The following NBAS variants were observed in gnomAD, a reference collection of about 807,000 sequenced individuals.
The protein encoded by NBAS is NBAS subunit of NRZ tethering complex.
In NBAS, 219 loss-of-function variants were observed where a neutral mutation model predicts 302.5. The observed-to-expected ratio is 0.72, with a 90% CI of 0.65 to 0.81. NBAS has a LOEUF of 0.81. NBAS is among the 30% of genes least tolerant of loss of function. NBAS has a pLI of 0.00. For synonymous variants in NBAS, 1,118 were observed against 1,021.6 expected (o/e 1.09, Z -1.80); for missense variants, 2,932 against 2,841.6 (o/e 1.03, Z -0.72).
At chr2:14,957,867 C>T in the NBAS span, among the ~76,000 whole-genome samples, 1 of 152,320 alleles carries the variant, frequency 6.6e-6, no homozygotes, top group South Asian at 2.1e-4. Flanking sequence ...CATTTCCTCA[C>T]CACTGTGAGC....
chr2:15,108,403 C>A, the NBAS span, among the ~76,000 whole-genome samples: 1 of 152,070 alleles, frequency 6.6e-6, no homozygotes, highest in Non-Finnish European at 1.5e-5. Context: ...GGGATATAAA[C>A]CCAAGTCTCT....
At chr2:15,483,046 C>T (rs879497363) in intron 12 of NBAS, among the ~76,000 whole-genome samples, 5 of 152,140 alleles carry the variant, frequency 3.3e-5, no homozygotes, top group African/African-American at 7.2e-5. Flanking sequence ...AAACCTATTA[C>T]GGCTAAAGTA....
At chr2:15,409,411 T>C (rs1177234690) in intron 25 of NBAS, among the ~76,000 whole-genome samples, 1 of 152,234 alleles carries the variant, frequency 6.6e-6, no homozygotes, top group African/African-American at 2.4e-5. Flanking sequence ...ATTACTCTCA[T>C]GACAGACCTG....
chr2:15,034,043 G>GA, the NBAS span, among the ~76,000 whole-genome samples: 1 of 74,172 alleles, frequency 1.3e-5, no homozygotes, highest in Non-Finnish European at 2.6e-5. Context: ...GAGGAAGGAG[G>GA]AGGAGGAGGA....
At chr2:15,560,218 A>G (rs1664846285) in intron 1 of NBAS, among the ~76,000 whole-genome samples, 2 of 152,168 alleles carry the variant, frequency 1.3e-5, no homozygotes, top group South Asian at 2.1e-4. Context: ...CACTCAATAA[A>G]TATCTGTTAA....
chr2:15,378,844 T>G (rs79856065), intron 30 of NBAS, among the ~76,000 whole-genome samples: 1 of 152,316 alleles, frequency 6.6e-6, no homozygotes, highest in African/African-American at 2.4e-5. Context: ...TTCTGAAATG[T>G]TGAACAAGGA....
At chr2:15,205,889 T>C (rs1422049314) in intron 48 of NBAS, among the ~76,000 whole-genome samples, 1 of 152,188 alleles carries the variant, frequency 6.6e-6, no homozygotes, top group Non-Finnish European at 1.5e-5. Context: ...CTTCTTTTCT[T>C]TATAAATTAC....
chr2:15,294,419 A>T (rs549067574), intron 40 of NBAS, among the ~76,000 whole-genome samples: 9 of 152,226 alleles, frequency 5.9e-5, no homozygotes, highest in Admixed American at 1.3e-4. Flanking sequence ...AACCAGCTGC[A>T]TATAAACAGT....
At chr2:15,097,420 G>A in the NBAS span, among the ~76,000 whole-genome samples, 5 of 152,116 alleles carry the variant, frequency 3.3e-5, no homozygotes, top group South Asian at 2.1e-4. Flanking sequence ...CACAACAGGC[G>A]AACTTCTTCT....
At chr2:14,854,511 T>G in the NBAS span, among the ~76,000 whole-genome samples, 1 of 151,604 alleles carries the variant, frequency 6.6e-6, no homozygotes, top group East Asian at 1.9e-4. Flanking sequence ...TAACTTCAAA[T>G]TGCTGAAAAA....
intron 41 of NBAS, among the ~76,000 whole-genome samples, chr2:15,290,014 AAGAAGAGAGG>A (rs897590571): frequency 1.2e-4 from 18 of 151,092 alleles, no homozygotes; most frequent in Admixed American, 2.0e-4. Flanking sequence ...GAAAAGAAAA[AAGAAGAGAGG>A]AGAAGAGAGG....
At chr2:15,513,415 G>A (rs6708823) in intron 9 of NBAS, among the ~76,000 whole-genome samples, 118 of 152,150 alleles carry the variant, frequency 7.8e-4, no homozygotes, top group African/African-American at 2.7e-3. Context: ...CTTCTCAAAT[G>A]ATTCTATTAC....
intron 44 of NBAS, among the ~76,000 whole-genome samples, chr2:15,250,261 T>C (rs919821573): frequency 4.6e-5 from 7 of 152,220 alleles, no homozygotes; most frequent in African/African-American, 1.7e-4. Flanking sequence ...GCTAGGCATA[T>C]GCAGAAAGCT....
At chr2:15,299,081 G>T (rs996787516) in intron 40 of NBAS, among the ~76,000 whole-genome samples, 2 of 152,214 alleles carry the variant, frequency 1.3e-5, no homozygotes, top group African/African-American at 4.8e-5. Context: ...GTGACATGAC[G>T]CATGGGTATG....
At chr2:15,010,802 A>G in the NBAS span, among the ~76,000 whole-genome samples, 1 of 152,192 alleles carries the variant, frequency 6.6e-6, no homozygotes, top group Non-Finnish European at 1.5e-5. Flanking sequence ...AACCAACAAG[A>G]TTACACATAG....
chr2:14,787,860 T>C, the NBAS span, among the ~76,000 whole-genome samples: 1 of 152,222 alleles, frequency 6.6e-6, no homozygotes, highest in South Asian at 2.1e-4. Context: ...TGAATCTGAA[T>C]GTTGGCCTGC....
At chr2:15,559,074 A>AAAAAAAAAAC in intron 1 of NBAS, among the ~76,000 whole-genome samples, 1 of 149,918 alleles carries the variant, frequency 6.7e-6, no homozygotes, top group African/African-American at 2.4e-5. Context: ...AAAAAAAAAA[A>AAAAAAAAAAC]AAAAAAAAAA....
chr2:15,559,417 A>G (rs954976736), intron 1 of NBAS, among the ~76,000 whole-genome samples: 3 of 152,270 alleles, frequency 2.0e-5, no homozygotes, highest in African/African-American at 7.2e-5. Context: ...ATTCCATTCC[A>G]TAAGTATAGA....
chr2:15,478,338 T>C (rs1680279515), intron 12 of NBAS, 49 bp from the exon 13 acceptor site: 3 of 1,363,862 alleles, frequency 2.2e-6, no homozygotes, highest in African/African-American at 1.4e-5. Flanking sequence ...AAGAAAATTA[T>C]AAGAAAATCA....
Sources: allele counts gnomAD v4.1 joint callset (sites outside exome capture counted in the v4.1 genomes callset), GRCh38; gene constraint gnomAD v4.1.1; transcripts MANE v1.5; gene names NCBI Gene and HGNC (gene_info 2026-07-23, HGNC 2026-07-21).